Variants in FBXL17 observed in about 807,000 individuals in gnomAD.
FBXL17 encodes F-box and leucine rich repeat protein 17.
Under a neutral mutation model 66.2 loss-of-function variants are expected in FBXL17, and 22 were observed. The ratio of observed to expected loss-of-function variants is 0.33; its 90% CI spans 0.24 to 0.47. The LOEUF (loss-of-function observed/expected upper bound fraction) is 0.47, where lower values mean the gene tolerates loss of function less well. Among genes scored for constraint, FBXL17 ranks in the 20% least tolerant of loss-of-function variants. FBXL17 has a pLI of 1.00. For missense variants in FBXL17, 878 were observed against 948.2 expected, an observed-to-expected ratio of 0.93 and a Z score of 0.97; for synonymous variants, 474 against 400.5, an observed-to-expected ratio of 1.18 and a Z score of -2.19.
intron 5 of FBXL17, among the ~76,000 whole-genome samples, chr5:108,218,785 T>C (rs1192132768): frequency 6.6e-6 from 1 of 152,196 alleles, no homozygotes; most frequent in African/African-American, 2.4e-5. Flanking sequence ...GTTATTTGTT[T>C]TCTTACTATT....
At chr5:108,022,404 A>T (rs1484799547) in intron 6 of FBXL17, among the ~76,000 whole-genome samples, 1 of 152,024 alleles carries the variant, frequency 6.6e-6, no homozygotes, top group Non-Finnish European at 1.5e-5. Flanking sequence ...TACCAACAAT[A>T]ACAACATTTT....
At chr5:107,886,119 AAAG>A (rs1748961073) in intron 7 of FBXL17, among the ~76,000 whole-genome samples, 2 of 152,210 alleles carry the variant, frequency 1.3e-5, no homozygotes, top group African/African-American at 4.8e-5. Flanking sequence ...GGAAAACCAA[AAAG>A]AACTGTAAGC....
At position 108,198,976 on chromosome 5, in the gene FBXL17, G is replaced by T. The variant is rs559118804; in HGVS notation, c.1615-12729C>A. ...ATGAGGTGCAAAAATTTATAACTTT[G>T]ATTTATATAATAAAGCACTACTTTC... On this transcript the variant is annotated intron_variant, in intron 5 of 8. Transcript: ENST00000542267. Among the ~76,000 whole-genome samples the T allele has an allele frequency of 9.9e-5, 15 of 152,158 alleles. No homozygotes were observed. The East Asian group carries it at 2.7e-3, about 27-fold the overall frequency.
chr5:108,275,618 T>C (rs1193157904), intron 4 of FBXL17, among the ~76,000 whole-genome samples: 1 of 152,220 alleles, frequency 6.6e-6, no homozygotes, highest in Non-Finnish European at 1.5e-5. Context: ...TAAATAGTTC[T>C]TGAATAGTTG....
At chr5:108,002,023 G>A (rs1008991035) in intron 7 of FBXL17, among the ~76,000 whole-genome samples, 2 of 151,762 alleles carry the variant, frequency 1.3e-5, no homozygotes, top group African/African-American at 4.8e-5. Context: ...AATTTCTCTT[G>A]TAGATTTTTT....
chr5:108,368,971 T>A (rs991856572), intron 1 of FBXL17, among the ~76,000 whole-genome samples: 1 of 151,210 alleles, frequency 6.6e-6, no homozygotes, highest in African/African-American at 2.4e-5. Context: ...AAGGAAATTC[T>A]CTGTGGACCT....
At chr5:108,191,770 C>T (rs1265218115) in intron 5 of FBXL17, among the ~76,000 whole-genome samples, 1 of 152,206 alleles carries the variant, frequency 6.6e-6, no homozygotes, top group Non-Finnish European at 1.5e-5. Context: ...CTCTTACTGC[C>T]TGTATGTACT....
chr5:108,239,200 C>T (rs1755742055), intron 4 of FBXL17, among the ~76,000 whole-genome samples: 1 of 152,130 alleles, frequency 6.6e-6, no homozygotes, highest in Non-Finnish European at 1.5e-5. Flanking sequence ...GAACACCAAA[C>T]TGAACAACTA....
intron 6 of FBXL17, among the ~76,000 whole-genome samples, chr5:108,026,063 C>T (rs1316669383): frequency 3.9e-5 from 6 of 152,086 alleles, no homozygotes; most frequent in Admixed American, 3.9e-4. Context: ...GATTTCTATG[C>T]ACAAAAGAGG....
intron 4 of FBXL17, among the ~76,000 whole-genome samples, chr5:108,281,186 T>A (rs1757688834): frequency 1.3e-5 from 2 of 151,926 alleles, no homozygotes; most frequent in African/African-American, 4.8e-5. Flanking sequence ...AGAATTTACA[T>A]AACATTCTGC....
At chr5:107,918,170 A>G (rs1369367295) in intron 7 of FBXL17, among the ~76,000 whole-genome samples, 1 of 152,182 alleles carries the variant, frequency 6.6e-6, no homozygotes, top group African/African-American at 2.4e-5. Context: ...CCCATGTGGC[A>G]GAAGACCCAG....
chr5:107,966,484 T>G (rs574066905), intron 7 of FBXL17, among the ~76,000 whole-genome samples: 22 of 152,210 alleles, frequency 1.4e-4, no homozygotes, highest in Admixed American at 1.3e-3. Flanking sequence ...GGAGATCCAG[T>G]TGTAACTTAC....
chr5:107,973,815 G>A (rs13164327), intron 7 of FBXL17, among the ~76,000 whole-genome samples: 26,274 of 150,408 alleles, frequency 0.17, 2,844 homozygotes, highest in Non-Finnish European at 0.24. Flanking sequence ...GCCCCTATTG[G>A]CTTATGGTAA....
At chr5:108,337,042 G>A (rs1361291788) in intron 4 of FBXL17, among the ~76,000 whole-genome samples, 1 of 152,010 alleles carries the variant, frequency 6.6e-6, no homozygotes, top group African/African-American at 2.4e-5. Context: ...TGGATCACAA[G>A]GTCAAGAGAT....
chr5:107,933,261 A>G (rs1218266520), intron 7 of FBXL17, among the ~76,000 whole-genome samples: 1 of 152,192 alleles, frequency 6.6e-6, no homozygotes, highest in Non-Finnish European at 1.5e-5. Flanking sequence ...CTTGGGAGAC[A>G]TCTGCATTTG....
At position 108,381,685 on chromosome 5, in the gene FBXL17, G is replaced by A; in HGVS notation, c.7C>T (p.His3Tyr). The change falls in exon 1 of 9, where the codon CAC becomes TAC. Residue 3 changes from histidine to tyrosine, a missense_variant. Transcript: ENST00000542267. MG[H>Y]LLSKEPRNRP... is the part of the protein sequence containing the mutation. ...TTACGCGGCTCCTTCGAGAGAAGGT[G>A]GCCCATATAGAAGGCCCCGAGGAGG... The A allele has an allele frequency of 6.8e-7, 1 of 1,471,348 alleles. No homozygotes were observed. The highest frequency in any genetic ancestry group is 9.0e-7 in the Non-Finnish European group (1 of 1,116,352). 91.1% of individuals were successfully genotyped at this position (1,471,348 alleles called of 1,614,324 possible). A position where few individuals can be genotyped will look rare whatever the true frequency, so the allele number is the denominator to read the frequency against.
intron 4 of FBXL17, among the ~76,000 whole-genome samples, chr5:108,345,083 C>T (rs1172343664): frequency 6.6e-6 from 1 of 151,988 alleles, no homozygotes; most frequent in East Asian, 1.9e-4. Context: ...ACCTGTAATC[C>T]CAGCACTTTG....
rs879884124 is a variant in FBXL17 at position 108,180,506 on chromosome 5, T to TA, written c.1745+5610dup. 1.9e-3 allele frequency among the ~76,000 whole-genome samples: 278 copies of TA among 144,894 alleles called. 1 individual carries two copies. Among genetic ancestry groups the TA allele is most frequent in the African/African-American group, 6.2e-3 (244 of 39,656 alleles). On this transcript the variant is annotated intron_variant, in intron 6 of 8. Coordinates refer to ENST00000542267, the MANE Select transcript of FBXL17 (RefSeq NM_001163315.3). ...GGGCAACAGAGCATGACTCCGTCTT[T>TA]AAAAAAAAAAAGAAAAGAGAAATAT...
chr5:108,010,247 A>G (rs1053336715), intron 7 of FBXL17, among the ~76,000 whole-genome samples: 1 of 152,212 alleles, frequency 6.6e-6, no homozygotes, highest in African/African-American at 2.4e-5. Flanking sequence ...TCCATTTTCA[A>G]TACTTAAAAC....
Sources: allele counts gnomAD v4.1 joint callset (sites outside exome capture counted in the v4.1 genomes callset), GRCh38; gene constraint gnomAD v4.1.1; transcripts MANE v1.5; gene names NCBI Gene and HGNC (gene_info 2026-07-23, HGNC 2026-07-21).